The following MMP28 variants were observed in gnomAD, a reference collection of about 807,000 sequenced individuals.
MMP28 encodes matrix metalloproteinase-28.
Under a neutral mutation model 60.5 loss-of-function variants are expected in MMP28, and 55 were observed. The observed-to-expected ratio is 0.91, with a 90% CI of 0.73 to 1.14. The LOEUF (loss-of-function observed/expected upper bound fraction) is 1.14, where lower values mean the gene tolerates loss of function less well. Among genes scored for constraint, MMP28 ranks in the 50% most tolerant of loss-of-function variants. MMP28 has a pLI of 0.00. For synonymous variants in MMP28, 318 were observed against 312.5 expected (o/e 1.02, Z -0.18); for missense variants, 686 against 738.3 (o/e 0.93, Z 0.82).
At chr17:35,760,632 C>T (rs1445230912) in intron 2 of MMP28, among the ~76,000 whole-genome samples, 1 of 152,200 alleles carries the variant, frequency 6.6e-6, no homozygotes, top group Non-Finnish European at 1.5e-5. Flanking sequence ...TGCTGAACAT[C>T]AGATAACTTT....
At chr17:35,773,093 G>T in intron 4 of MMP28, 87 bp downstream of exon 4, 2 of 1,220,968 alleles carry the variant, frequency 1.6e-6, no homozygotes, top group Non-Finnish European at 1.1e-6. Flanking sequence ...GCCACAGGGA[G>T]GGTGAATGCT....
chr17:35,763,229 T>A (rs1555601845), downstream of MMP28, among the ~76,000 whole-genome samples: 1 of 150,996 alleles, frequency 6.6e-6, no homozygotes, highest in Admixed American at 6.6e-5. Flanking sequence ...AAGCCAGGAG[T>A]TCAGAGACCA....
rs900216080 is a variant in MMP28, at chr17:35,794,338, C to T, written c.111+929G>A. On this transcript the variant is annotated intron_variant, in intron 1 of 7. Coordinates refer to ENST00000605424, the MANE Select transcript of MMP28 (RefSeq NM_024302.5). ...TCGGCTCACTGCAACCTCTGCCTCC[C>T]GGGTTCAAGTGATTCTCCTATCTCA... Among the ~76,000 whole-genome samples the T allele has an allele frequency of 4.6e-5, 7 of 150,712 alleles. No individual in the cohort carries two copies. The East Asian group carries it at 1.0e-3, about 22-fold the overall frequency.
chr17:35,764,186 C>T, downstream of MMP28: 1 of 1,548,230 alleles, frequency 6.5e-7, no homozygotes, highest in Non-Finnish European at 8.7e-7. Context: ...AGGCCGCGAG[C>T]GGCGCTCAGT....
At position 35,766,032 on chromosome 17, in the gene MMP28, T is replaced by G; in HGVS notation, c.*468A>C. ...TGCCTTCATCCCCATCCATGCTTCC[T>G]GGGGGTGGGGCCTCTGACTAAATAT... On this transcript the variant is annotated 3_prime_UTR_variant, in exon 8 of 8. Coordinates refer to ENST00000605424, the MANE Select transcript of MMP28 (RefSeq NM_024302.5). The surrounding 1 kb of genome is among the most constrained non-coding windows in gnomAD (Gnocchi z 4.3). The G allele has an allele frequency of 1.0e-6, 1 of 985,370 alleles. No homozygotes were observed. Among genetic ancestry groups the G allele is most frequent in the African/African-American group, 1.7e-5 (1 of 57,338 alleles). The allele number at this position is 985,370 out of a possible 1,614,324, so 61.0% of individuals were successfully genotyped here. A position where few individuals can be genotyped will look rare whatever the true frequency, so the allele number is the denominator to read the frequency against.
At chr17:35,789,975 T>C (rs1003887468) in intron 1 of MMP28, among the ~76,000 whole-genome samples, 2 of 151,622 alleles carry the variant, frequency 1.3e-5, no homozygotes, top group South Asian at 4.2e-4. Flanking sequence ...TTGGCCAGGC[T>C]AGTCTCGAAT....
chr17:35,764,813 C>G, downstream of MMP28: 1 of 580,850 alleles, frequency 1.7e-6, no homozygotes, highest in Non-Finnish European at 2.8e-6. Flanking sequence ...ACCTAGCGCC[C>G]CCAGTGCAGA....
intron 1 of MMP28, among the ~76,000 whole-genome samples, chr17:35,781,144 G>A (rs2086487966): frequency 6.6e-6 from 1 of 152,214 alleles, no homozygotes; most frequent in Admixed American, 6.5e-5. Context: ...AACAGAGCGT[G>A]AGATGAAGTC....
chr17:35,777,471 T>C (rs993008373), intron 3 of MMP28, among the ~76,000 whole-genome samples: 1 of 152,214 alleles, frequency 6.6e-6, no homozygotes, highest in African/African-American at 2.4e-5. Context: ...GGCAAACACC[T>C]GGAAACAGCC....
intron 4 of MMP28, among the ~76,000 whole-genome samples, 192 bp from the exon 5 acceptor site, chr17:35,770,504 T>C (rs1041651599): frequency 2.6e-5 from 4 of 152,214 alleles, no homozygotes; most frequent in African/African-American, 9.7e-5. Context: ...AGTAGTGCAG[T>C]GGACGATGAG....
intron 3 of MMP28, among the ~76,000 whole-genome samples, 199 bp from the exon 4 acceptor site, chr17:35,773,603 G>A (rs2086238372): frequency 6.6e-6 from 1 of 152,196 alleles, no homozygotes; most frequent in Non-Finnish European, 1.5e-5. Flanking sequence ...CAGACTGAGA[G>A]GACTCCCCTT....
rs187288027 is a variant in MMP28 at position 35,783,923 on chromosome 17, G to T, written c.112-4600C>A. On this transcript the variant is annotated intron_variant, in intron 1 of 7. Coordinates refer to ENST00000605424, the MANE Select transcript of MMP28 (RefSeq NM_024302.5). ...GAATGAGCATGTGCCCGGGACACGA[G>T]CCAAGCAGAGCCACTGAAAGAATGA... Among the ~76,000 whole-genome samples, 433 of 152,252 alleles carry T rather than the reference G, an allele frequency of 2.8e-3. 3 individuals are homozygous for T. Among genetic ancestry groups the T allele is most frequent in the African/African-American group, 9.8e-3 (408 of 41,530 alleles).
intron 5 of MMP28, among the ~76,000 whole-genome samples, chr17:35,768,649 A>C (rs557426634): frequency 6.7e-4 from 102 of 152,240 alleles, no homozygotes; most frequent in African/African-American, 2.1e-3. Context: ...GTCTGTACTA[A>C]AAATACAAAA....
rs754490475 is a variant in MMP28 at position 35,768,222 on chromosome 17, C to G, written c.1000+8G>C. ...GAAAGAAGCAAAGCACCAGTGGGACCTTCTTACCTACAGTGATGGCATCGA... is the reference window on the plus strand; with the variant it reads ...GAAAGAAGCAAAGCACCAGTGGGACGTTCTTACCTACAGTGATGGCATCGA... On this transcript the variant is annotated splice_region_variant and intron_variant, in intron 6 of 7. Transcript: ENST00000605424. The G allele has an allele frequency of 6.3e-6, 10 of 1,594,680 alleles. No homozygotes were observed. Among genetic ancestry groups the G allele is most frequent in the African/African-American group, 4.1e-5 (3 of 73,966 alleles).
intron 1 of MMP28, among the ~76,000 whole-genome samples, chr17:35,791,840 C>G (rs1408554566): frequency 6.6e-6 from 1 of 152,158 alleles, no homozygotes; most frequent in African/African-American, 2.4e-5. Flanking sequence ...CCTACACGTG[C>G]TAGCACAGTC....
chr17:35,795,322 T>G lies in MMP28; in HGVS notation c.56A>C (p.His19Pro). 1 of 1,466,768 alleles carries G rather than the reference T, an allele frequency of 6.8e-7. No homozygotes were observed. Among genetic ancestry groups the G allele is most frequent in the East Asian group, 3.0e-5 (1 of 33,522 alleles). 90.9% of individuals were successfully genotyped at this position (1,466,768 alleles called of 1,614,324 possible). A position where few individuals can be genotyped will look rare whatever the true frequency, so the allele number is the denominator to read the frequency against. ...GCGCTCCGCGGGCTGGGCGTCCAGG[T>G]GGCCCCACAGTAGCAGCTGCAGGGC... is the stretch of plus-strand genomic sequence containing the variant. ...LRALQLLLWG[H>P]LDAQPAERGG... Residue 19 changes from histidine (H) to proline (P), a missense_variant, in exon 1 of 8, where the codon CAC (histidine) becomes CCC (proline). Physicochemically the swap from His to Pro is moderately conservative, Grantham distance 77 (BLOSUM62 -2). Transcript: ENST00000605424.
chr17:35,778,343 T>C (rs1226591900), intron 3 of MMP28, among the ~76,000 whole-genome samples: 4 of 152,146 alleles, frequency 2.6e-5, no homozygotes, highest in South Asian at 2.1e-4. Flanking sequence ...GGGGTTTCTT[T>C]TCAGGGTGAT....
chr17:35,773,795 C>T (rs1004468866), intron 3 of MMP28, among the ~76,000 whole-genome samples: 12 of 152,216 alleles, frequency 7.9e-5, no homozygotes, highest in African/African-American at 2.9e-4. Context: ...TCTGTTGCTA[C>T]CAGCAAATCC....
chr17:35,757,076 T>C (rs955254107), intron 2 of MMP28: 1 of 151,896 alleles, frequency 6.6e-6, no homozygotes, highest in Non-Finnish European at 1.5e-5. Context: ...CAGGTGCCTG[T>C]AATCCCAGCT....
Sources: gnomAD v4.1 joint callset for allele counts (sites outside exome capture counted in the v4.1 genomes callset) on GRCh38, gnomAD v4.1.1 for gene constraint, Gnocchi (gnomAD v3.1) non-coding constraint, MANE v1.5 for transcripts, NCBI Gene and HGNC (gene_info 2026-07-23, HGNC 2026-07-21) for gene names.